The following CBLB variants were observed in gnomAD, a reference collection of about 807,000 sequenced individuals.
The protein encoded by CBLB is Cbl proto-oncogene B.
In CBLB, 31 loss-of-function variants were observed where a neutral mutation model predicts 104.9. The ratio of observed to expected loss-of-function variants is 0.30; its 90% CI spans 0.22 to 0.40. The LOEUF (loss-of-function observed/expected upper bound fraction) is 0.40. Ranked by LOEUF, CBLB falls within the 10% of genes least tolerant of loss-of-function variation. The pLI is 1.00. For missense variants in CBLB, 1,062 were observed against 1,214.6 expected (o/e 0.87, Z 1.87); for synonymous variants, 440 against 422.6 (o/e 1.04, Z -0.51).
chr3:105,784,192 T>C (rs1024820674), intron 3 of CBLB, among the ~76,000 whole-genome samples: 1 of 152,162 alleles, frequency 6.6e-6, no homozygotes, highest in Non-Finnish European at 1.5e-5. Context: ...ATGTAACAAG[T>C]ATCCTTTTGT....
chr3:105,868,280 AAGG>A lies in CBLB; in HGVS notation c.-15+453_-15+455del, dbSNP rs977454650. ...GAAAAATGACAAGAGCGGCCACGGA[AAGG>A]AGGAGTTCACTTCTCTGGCTCCTCG... On this transcript the variant is annotated intron_variant, in intron 1 of 18. Coordinates refer to ENST00000394030, the MANE Select transcript of CBLB (RefSeq NM_170662.5). 45 of 1,186,926 alleles carry A rather than the reference AAGG, an allele frequency of 3.8e-5. No homozygotes were observed. The East Asian group carries it at 7.0e-4, about 18-fold the overall frequency. The allele number at this position is 1,186,926 out of a possible 1,614,324, so 73.5% of individuals were successfully genotyped here.
intron 3 of CBLB, among the ~76,000 whole-genome samples, chr3:105,807,549 T>A (rs937255647): frequency 6.6e-6 from 1 of 152,220 alleles, no homozygotes. Context: ...GAAACACATA[T>A]AATTTAATGG....
At chr3:105,841,034 C>T (rs530599011) in intron 3 of CBLB, among the ~76,000 whole-genome samples, 1 of 152,076 alleles carries the variant, frequency 6.6e-6, no homozygotes, top group South Asian at 2.1e-4. Context: ...TGGCTCATGC[C>T]TGTAAGCCCA....
At chr3:105,666,257 A>G (rs192583130) in intron 18 of CBLB, among the ~76,000 whole-genome samples, 2 of 152,330 alleles carry the variant, frequency 1.3e-5, no homozygotes, top group African/African-American at 4.8e-5. Context: ...TTAGAAAAAA[A>G]TATAAATACA....
intron 3 of CBLB, among the ~76,000 whole-genome samples, chr3:105,785,552 A>G (rs2080882514): frequency 6.6e-6 from 1 of 152,216 alleles, no homozygotes; most frequent in South Asian, 2.1e-4. Context: ...CTGAGGAAGC[A>G]TAACATAGTT....
Position 105,745,968 on chromosome 3 carries a change from G to C in CBLB, c.794C>G (p.Thr265Arg). Residue 265 changes from threonine (T) to arginine (R), a missense_variant, in exon 6 of 19, where the codon ACA becomes AGA. Transcript: ENST00000394030. ...TAGTCGTGCTTTAACTTCATCATAT[G>C]TGAGAAATGCCATGTAACCTGGATG... ...VTHPGYMAFL[T>R]YDEVKARLQK... 6.2e-7 allele frequency: 1 copy of C among 1,611,266 alleles called. No homozygotes were observed. Among genetic ancestry groups the C allele is most frequent in the Non-Finnish European group, 8.5e-7 (1 of 1,177,508 alleles).
rs2070239383 is a variant in CBLB, at chr3:105,706,938, CT to C, written c.1408-2766del. ...AATATTTTCCTACTTCTCTCATTAA[CT>C]GAAACAAGACACAGAATTGTGATAG... On this transcript the variant is annotated intron_variant, in intron 10 of 18. Coordinates refer to ENST00000394030, the MANE Select transcript of CBLB (RefSeq NM_170662.5). 4.6e-5 allele frequency among the ~76,000 whole-genome samples: 7 copies of C among 152,134 alleles called. No individual in the cohort carries two copies. The South Asian group carries it at 1.4e-3, about 32-fold the overall frequency.
intron 3 of CBLB, among the ~76,000 whole-genome samples, chr3:105,788,825 A>T (rs952221168): frequency 6.6e-6 from 1 of 152,176 alleles, no homozygotes; most frequent in African/African-American, 2.4e-5. Flanking sequence ...ACGCTACATA[A>T]ATTTTTGAGG....
rs3772519 is a variant in CBLB, at chr3:105,760,497, T to A, written c.567-8879A>T. Reference sequence around the variant, plus strand: ...CATGGGTTATGCAAGATACCTTTGATATGCTGAAATCAGATTAAATAAAAT... The same window carrying A: ...CATGGGTTATGCAAGATACCTTTGAAATGCTGAAATCAGATTAAATAAAAT... On this transcript the variant is annotated intron_variant, in intron 4 of 18. Coordinates refer to ENST00000394030, the MANE Select transcript of CBLB (RefSeq NM_170662.5). Among the ~76,000 whole-genome samples, 444 of 152,216 alleles carry A rather than the reference T, an allele frequency of 2.9e-3. 8 individuals are homozygous for A. The East Asian group carries it at 0.075, about 26-fold the overall frequency.
In CBLB at chr3:105,658,295, A is replaced by G; in HGVS notation, c.*675T>C. 4.5e-6 allele frequency: 1 copy of G among 221,144 alleles called. No individual in the cohort carries two copies. The highest frequency in any genetic ancestry group is 9.1e-6 in the Non-Finnish European group (1 of 110,238). The allele number at this position is 221,144 out of a possible 1,614,324, so 13.7% of individuals were successfully genotyped here. On this transcript the variant is annotated 3_prime_UTR_variant, in exon 19 of 19. Transcript: ENST00000394030. ...TATGTGAAAACCCCTTACAAAAGGC[A>G]GTTTATTGACAAATAAATGCTTTAT...
intron 4 of CBLB, among the ~76,000 whole-genome samples, chr3:105,771,767 C>T (rs78635463): frequency 6.6e-6 from 1 of 152,042 alleles, no homozygotes; most frequent in South Asian, 2.1e-4. Context: ...AAACCAAGAA[C>T]TCAATCCCCT....
chr3:105,761,517 T>C (rs2077629705), intron 4 of CBLB, among the ~76,000 whole-genome samples: 2 of 152,140 alleles, frequency 1.3e-5, no homozygotes, highest in African/African-American at 4.8e-5. Context: ...ATCTGAGGGT[T>C]TTATAGGGGT....
chr3:105,748,200 T>C (rs573074462), intron 5 of CBLB, among the ~76,000 whole-genome samples: 21 of 152,270 alleles, frequency 1.4e-4, no homozygotes, highest in Admixed American at 5.2e-4. Flanking sequence ...TAAATGACTA[T>C]AGAAATTAAT....
At chr3:105,757,274 TGAAG>T (rs1449155355) in intron 4 of CBLB, among the ~76,000 whole-genome samples, 1 of 152,060 alleles carries the variant, frequency 6.6e-6, no homozygotes, top group African/African-American at 2.4e-5. Context: ...AGCTATACAA[TGAAG>T]GAAGGAGAAT....
chr3:105,684,127 G>T (rs1306369489), intron 14 of CBLB, among the ~76,000 whole-genome samples: 1 of 152,182 alleles, frequency 6.6e-6, no homozygotes, highest in South Asian at 2.1e-4. Flanking sequence ...AGTAAAGATG[G>T]CACAGATGAC....
chr3:105,848,848 A>G (rs2090597505), intron 3 of CBLB, among the ~76,000 whole-genome samples: 1 of 152,114 alleles, frequency 6.6e-6, no homozygotes, highest in Admixed American at 6.6e-5. Context: ...ATTCCCAGTA[A>G]CCAGCGTTGT....
At chr3:105,676,401 T>C (rs911302059) in intron 17 of CBLB, among the ~76,000 whole-genome samples, 2 of 152,316 alleles carry the variant, frequency 1.3e-5, no homozygotes, top group South Asian at 2.1e-4. Flanking sequence ...TAAAAGTGTG[T>C]ATTTGTGTAA....
intron 10 of CBLB, among the ~76,000 whole-genome samples, chr3:105,715,448 C>T (rs527332372): frequency 3.3e-5 from 5 of 152,252 alleles, no homozygotes; most frequent in African/African-American, 1.2e-4. Context: ...AATAGAAATA[C>T]ACTATATGTT....
intron 18 of CBLB, among the ~76,000 whole-genome samples, chr3:105,665,410 TAAATAA>T (rs1287473716): frequency 0.043 from 3,147 of 73,410 alleles, 56 homozygotes; most frequent in Non-Finnish European, 0.053. Flanking sequence ...AATAAATAAA[TAAATAA>T]ATATATATAT....
Sources: gnomAD v4.1 joint callset for allele counts (sites outside exome capture counted in the v4.1 genomes callset) on GRCh38, gnomAD v4.1.1 for gene constraint, MANE v1.5 for transcripts, NCBI Gene and HGNC (gene_info 2026-07-23, HGNC 2026-07-21) for gene names.